SLC17A4: variants seen among roughly 807,000 people sequenced by gnomAD.
SLC17A4 encodes the protein probable small intestine urate exporter.
Under a neutral mutation model 52.5 loss-of-function variants are expected in SLC17A4, and 33 were observed. The ratio of observed to expected loss-of-function variants is 0.63; its 90% CI spans 0.48 to 0.84. The LOEUF (loss-of-function observed/expected upper bound fraction) is 0.84, where lower values mean the gene tolerates loss of function less well. SLC17A4 is among the 40% of genes least tolerant of loss of function. The probability of loss-of-function intolerance (pLI) is 0.00; values close to 1 mark genes in which losing one functional copy is unlikely to be tolerated. For missense variants in SLC17A4, 585 were observed against 597.1 expected (o/e 0.98, Z 0.21); for synonymous variants, 225 against 216.2 (o/e 1.04, Z -0.36).
chr6:25,776,910 A>C lies in SLC17A4; in HGVS notation c.1219A>C (p.Ser407Arg). 6.2e-7 allele frequency: 1 copy of C among 1,613,706 alleles called. No individual in the cohort carries two copies. The highest frequency in any genetic ancestry group is 8.5e-7 in the Non-Finnish European group (1 of 1,179,802). Reference sequence around the variant, plus strand: ...CTTGGTGCTGTCTTCTGCCATCAGCAGCTTCTGTGAATCAGGAGCCCTTGT... The same window carrying C: ...CTTGGTGCTGTCTTCTGCCATCAGCCGCTTCTGTGAATCAGGAGCCCTTGT... The part of the protein sequence containing the change: ...TFLVLSSAIS[S>R]FCESGALVNF... Residue 407 changes from serine (S) to arginine (R), a missense_variant, in exon 10 of 12, where the codon AGC (serine) becomes CGC (arginine). Ser to Arg is a moderately radical substitution (Grantham distance 110). Transcript: ENST00000377905.
rs1763172177 is a variant in SLC17A4 at position 25,779,123 on chromosome 6, T to C, written c.1429T>C (p.Tyr477His). 2.5e-6 allele frequency: 4 copies of C among 1,613,956 alleles called. No homozygotes were observed. The highest frequency in any genetic ancestry group is 3.3e-4 in the Middle Eastern group (2 of 6,060). Residue 477 changes from tyrosine (Y) to histidine (H), a missense_variant, in exon 12 of 12, where the codon TAC becomes CAC. Transcript: ENST00000377905. Reference sequence around the variant, plus strand: ...TGTTAACATATCGGGCCTGGTTTTCTACCTCATCTTTGGCCGAGCAGATGT... The same window carrying C: ...TGTTAACATATCGGGCCTGGTTTTCCACCTCATCTTTGGCCGAGCAGATGT... Reference protein sequence around the residue: ...AAVNISGLVFYLIFGRADVQD... With the variant: ...AAVNISGLVFHLIFGRADVQD...
chr6:25,755,904 C>G (rs550379358), intron 1 of SLC17A4, among the ~76,000 whole-genome samples: 169 of 152,312 alleles, frequency 1.1e-3, no homozygotes, highest in African/African-American at 3.1e-3. Context: ...CTAGAAGTCT[C>G]TGATGATTCT....
chr6:25,775,220 T>C (rs1415154719), intron 8 of SLC17A4, among the ~76,000 whole-genome samples: 1 of 151,626 alleles, frequency 6.6e-6, no homozygotes, highest in East Asian at 2.0e-4. Flanking sequence ...TAGTCCCAGC[T>C]ACTTAGGAGG....
chr6:25,757,139 T>G (rs918532976), intron 1 of SLC17A4, among the ~76,000 whole-genome samples: 1 of 152,212 alleles, frequency 6.6e-6, no homozygotes, highest in Non-Finnish European at 1.5e-5. Context: ...TGGTCTAACA[T>G]CTGTGGTTTT....
At chr6:25,759,314 A>G (rs1290877267) in intron 1 of SLC17A4, among the ~76,000 whole-genome samples, 1 of 152,166 alleles carries the variant, frequency 6.6e-6, no homozygotes, top group East Asian at 1.9e-4. Flanking sequence ...TGTTAAGTCT[A>G]TTTGTTCTAG....
chr6:25,755,128 T>A (rs1760904945), intron 1 of SLC17A4, among the ~76,000 whole-genome samples: 1 of 151,774 alleles, frequency 6.6e-6, no homozygotes, highest in East Asian at 1.9e-4. Flanking sequence ...AAATGATATA[T>A]TTGGATTGTT....
At chr6:25,777,882 G>C (rs371452662) in intron 10 of SLC17A4, 44 bp from the exon 11 acceptor site, 1 of 1,512,958 alleles carries the variant, frequency 6.6e-7, no homozygotes, top group Admixed American at 1.7e-5. Flanking sequence ...ACTTTCAAAC[G>C]TAGGTATACT....
At position 25,776,844 on chromosome 6, in the gene SLC17A4, C is replaced by T. The variant is rs1420510698; in HGVS notation, c.1153C>T (p.Leu385=). 4 of 1,613,886 alleles carry T rather than the reference C, an allele frequency of 2.5e-6. No individual in the cohort carries two copies. In the Admixed American group the frequency reaches 5.0e-5, roughly 20 times the overall value. The change falls in exon 10 of 12, where the codon CTG becomes TTG. Residue 385 remains leucine, a synonymous_variant. Coordinates refer to ENST00000377905, the MANE Select transcript of SLC17A4 (RefSeq NM_005495.3). Reference sequence around the variant, plus strand: ...CTTCCCATCCGTGATCCTCGTGTCCCTGCCCTGGGTCAGATCCAGCCACAG... The same window carrying T: ...CTTCCCATCCGTGATCCTCGTGTCCTTGCCCTGGGTCAGATCCAGCCACAG... ...VLFPSVILVS[L]PWVRSSHSMT... is the part of the protein sequence containing the mutation.
intron 2 of SLC17A4, among the ~76,000 whole-genome samples, chr6:25,767,527 G>A (rs1363630557): frequency 2.0e-5 from 3 of 151,974 alleles, no homozygotes; most frequent in Non-Finnish European, 4.4e-5. Context: ...CACACAAGCT[G>A]GAATTGGAAT....
intron 1 of SLC17A4, among the ~76,000 whole-genome samples, chr6:25,758,323 A>G (rs986582255): frequency 6.6e-6 from 1 of 152,210 alleles, no homozygotes; most frequent in Non-Finnish European, 1.5e-5. Context: ...AACTGTCTCT[A>G]AAAACATTCT....
intron 2 of SLC17A4, among the ~76,000 whole-genome samples, chr6:25,764,960 G>A (rs1761882367): frequency 6.6e-6 from 1 of 152,146 alleles, no homozygotes; most frequent in South Asian, 2.1e-4. Flanking sequence ...CCCTTGAATT[G>A]GTGAAAGAAT....
Position 25,770,210 on chromosome 6 carries a change from T to C in SLC17A4, c.441T>C (p.Ile147=). 1 of 1,614,116 alleles carries C rather than the reference T, an allele frequency of 6.2e-7. No individual in the cohort carries two copies. The highest frequency in any genetic ancestry group is 8.5e-7 in the Non-Finnish European group (1 of 1,179,984). The change falls in exon 4 of 12, where the codon ATT becomes ATC. Residue 147 remains isoleucine, a synonymous_variant. Coordinates refer to ENST00000377905, the MANE Select transcript of SLC17A4 (RefSeq NM_005495.3). ...ATGTGGTTGGTGCTGGCTTGTTTAT[T>C]TCCTCATTCCTGACCCTCTTCATTC... ...AKYVVGAGLF[I]SSFLTLFIPL...
chr6:25,776,234 T>C (rs1762903998), intron 8 of SLC17A4, among the ~76,000 whole-genome samples: 1 of 152,188 alleles, frequency 6.6e-6, no homozygotes, highest in Admixed American at 6.5e-5. Context: ...TCATTATGAG[T>C]AAAGTTGGAT....
At position 25,777,564 on chromosome 6, in the gene SLC17A4, AAACAACAACAAC is replaced by A. The variant is rs143345736; in HGVS notation, c.1269-329_1269-318del. ...AGATCAGACTCAACAGCAGAAGCCAAAACAACAACAACAACAACAACAACAACAACAACAACA... is the reference window on the plus strand; with the variant it reads ...AGATCAGACTCAACAGCAGAAGCCAAAACAACAACAACAACAACAACAACA... On this transcript the variant is annotated intron_variant, in intron 10 of 11. Coordinates refer to ENST00000377905, the MANE Select transcript of SLC17A4 (RefSeq NM_005495.3). 824 of 161,612 alleles carry A rather than the reference AAACAACAACAAC, an allele frequency of 5.1e-3. 3 individuals carry two copies. The highest frequency in any genetic ancestry group is 7.4e-3 in the East Asian group (42 of 5,712). The allele number at this position is 161,612 out of a possible 1,614,324, so 10.0% of individuals were successfully genotyped here.
At chr6:25,763,595 C>T (rs1456608228) in intron 2 of SLC17A4, among the ~76,000 whole-genome samples, 1 of 152,176 alleles carries the variant, frequency 6.6e-6, no homozygotes, top group African/African-American at 2.4e-5. Context: ...CATATCTTTG[C>T]TGTGTTTCTA....
rs758412846 is a variant in SLC17A4, at chr6:25,770,977, A to C, written c.671A>C (p.Gln224Pro). 7.4e-6 allele frequency: 12 copies of C among 1,613,924 alleles called. No homozygotes were observed. The highest frequency in any genetic ancestry group is 1.0e-5 in the Non-Finnish European group (12 of 1,179,858). Residue 224 changes from glutamine (Q) to proline (P), a missense_variant, in exon 6 of 12, where the codon CAG (glutamine) becomes CCG (proline). Gln to Pro is a moderately conservative substitution (Grantham distance 76). Transcript: ENST00000377905. The stretch of plus-strand genomic sequence containing the variant: ...CTACTTGCTGGTGGTCTCCTCTGCC[A>C]GACCATAGGATGGCCTTACGTCTTC... Reference protein sequence around the residue: ...IVLLAGGLLCQTIGWPYVFYI... With the variant: ...IVLLAGGLLCPTIGWPYVFYI...
At chr6:25,767,491 C>T (rs139301642) in intron 2 of SLC17A4, among the ~76,000 whole-genome samples, 1 of 151,886 alleles carries the variant, frequency 6.6e-6, no homozygotes, top group Non-Finnish European at 1.5e-5. Context: ...AGTACCTTGC[C>T]CCAGAATACA....
In SLC17A4 at chr6:25,777,993, G is replaced by T. The variant is rs762997366; in HGVS notation, c.1336G>T (p.Ala446Ser). ...AHIAGAISPTAAGFFISQDSE... is the reference protein window; with the variant it reads ...AHIAGAISPTSAGFFISQDSE... Reference sequence around the variant, plus strand: ...CATAGCTGGAGCCATCTCTCCTACTGCTGCTGGATTTTTCATCAGTCAGGT... The same window carrying T: ...CATAGCTGGAGCCATCTCTCCTACTTCTGCTGGATTTTTCATCAGTCAGGT... The change falls in exon 11 of 12, where the codon GCT (alanine) becomes TCT (serine). Residue 446 changes from alanine to serine, a missense_variant. Transcript: ENST00000377905. 6.2e-7 allele frequency: 1 copy of T among 1,612,508 alleles called. No homozygotes were observed. The highest frequency in any genetic ancestry group is 8.5e-7 in the Non-Finnish European group (1 of 1,179,606).
chr6:25,776,257 G>T (rs1389388095), intron 8 of SLC17A4, among the ~76,000 whole-genome samples: 1 of 151,962 alleles, frequency 6.6e-6, no homozygotes, highest in Non-Finnish European at 1.5e-5. Context: ...CTTTTAACAT[G>T]TTTAGGAGCC....
Sources: allele counts gnomAD v4.1 joint callset (sites outside exome capture counted in the v4.1 genomes callset), GRCh38; gene constraint gnomAD v4.1.1; transcripts MANE v1.5; gene names NCBI Gene and HGNC (gene_info 2026-07-23, HGNC 2026-07-21).